BCAS3: variants seen among roughly 807,000 people sequenced by gnomAD.
BCAS3 encodes the protein BCAS3 microtubule associated cell migration factor, also known as BCAS4/BCAS3 fusion.
A neutral mutation model predicts 116.1 loss-of-function variants in BCAS3; 53 were observed. The observed-to-expected ratio is 0.46, with a 90% CI of 0.37 to 0.57. The LOEUF (loss-of-function observed/expected upper bound fraction) is 0.57, where lower values mean the gene tolerates loss of function less well. BCAS3 is among the 20% of genes least tolerant of loss of function. The pLI is 0.00. For synonymous variants in BCAS3, 391 were observed against 408.2 expected, an observed-to-expected ratio of 0.96 and a Z score of 0.51; for missense variants, 917 against 1,165.4, an observed-to-expected ratio of 0.79 and a Z score of 3.10.
intron 21 of BCAS3, among the ~76,000 whole-genome samples, chr17:61,078,770 T>C (rs2072267825): frequency 6.6e-6 from 1 of 152,242 alleles, no homozygotes; most frequent in South Asian, 2.1e-4. Flanking sequence ...TAATAGTCAC[T>C]GCACTTTTCA....
At chr17:61,070,390 T>TATATATATATATATATATATAC (rs2071279950) in intron 19 of BCAS3, 1 of 171,606 alleles carries the variant, frequency 5.8e-6, no homozygotes, top group Non-Finnish European at 1.1e-5. Flanking sequence ...TATATATATA[T>TATATATATATATATATATATAC]ATATATATAT....
chr17:60,730,095 C>A (rs1234084947), intron 5 of BCAS3, among the ~76,000 whole-genome samples: 1 of 152,138 alleles, frequency 6.6e-6, no homozygotes, highest in African/African-American at 2.4e-5. Context: ...GAAGTAATGG[C>A]TAGAGTTTTG....
rs2063675893 is a variant in BCAS3, at chr17:60,993,787, A to G, written c.1486+3552A>G. On this transcript the variant is annotated intron_variant, in intron 15 of 23. Coordinates refer to ENST00000407086, the MANE Select transcript of BCAS3 (RefSeq NM_017679.5). The surrounding 1 kb of genome is among the most constrained non-coding windows in gnomAD (Gnocchi z 4.2). ...GTCTGTGCTCTTTTTAGCCAAGTAA[A>G]GGAAACTGTTAAATAACAGTTGATA... 6.6e-6 allele frequency among the ~76,000 whole-genome samples: 1 copy of G among 152,224 alleles called. No individual in the cohort carries two copies. Among genetic ancestry groups the G allele is most frequent in the African/African-American group, 2.4e-5 (1 of 41,466 alleles).
chr17:60,904,854 A>G (rs113957460), intron 11 of BCAS3, among the ~76,000 whole-genome samples: 16 of 152,318 alleles, frequency 1.1e-4, no homozygotes, highest in African/African-American at 3.8e-4. Flanking sequence ...AAAACTCACA[A>G]AGATGTCTCC....
chr17:61,382,744 G>A (rs2143631058), intron 23 of BCAS3: 1 of 152,256 alleles, frequency 6.6e-6, no homozygotes, highest in South Asian at 2.1e-4. Context: ...AGGGGAAGGT[G>A]AATGGAACCA....
At chr17:60,724,614 A>G (rs971729675) in intron 5 of BCAS3, among the ~76,000 whole-genome samples, 1 of 151,142 alleles carries the variant, frequency 6.6e-6, no homozygotes, top group African/African-American at 2.4e-5. Flanking sequence ...AAGCCCAGCT[A>G]CTTGGGAGGC....
intron 12 of BCAS3, among the ~76,000 whole-genome samples, chr17:60,920,878 ACAACAAC>A (rs1226561119): frequency 1.7e-5 from 1 of 60,128 alleles, no homozygotes; most frequent in Admixed American, 1.3e-4. Context: ...GCAAACAACA[ACAACAAC>A]AACAACAACA....
At position 61,348,905 on chromosome 17, in the gene BCAS3, G is replaced by T. The variant is rs577161355; in HGVS notation, c.2426-19422G>T. On this transcript the variant is annotated intron_variant, in intron 22 of 23. Coordinates refer to ENST00000407086, the MANE Select transcript of BCAS3 (RefSeq NM_017679.5). This position sits in a 1 kb window ranked among gnomAD's most constrained non-coding sequence, Gnocchi z 4.5. ...GTAGCTGGGACTACAGGCGCCCACC[G>T]CCACACACGGCTAACTTTTTGTATT... Among the ~76,000 whole-genome samples the T allele has an allele frequency of 4.6e-5, 7 of 151,752 alleles. No individual in the cohort carries two copies. Among genetic ancestry groups the T allele is most frequent in the African/African-American group, 1.7e-4 (7 of 41,286 alleles).
At chr17:60,729,888 C>G (rs939877216) in intron 5 of BCAS3, among the ~76,000 whole-genome samples, 2 of 152,326 alleles carry the variant, frequency 1.3e-5, no homozygotes, top group Non-Finnish European at 2.9e-5. Context: ...GGCCGACACT[C>G]TCTATAATGG....
chr17:60,850,254 C>T (rs949443937), intron 7 of BCAS3, among the ~76,000 whole-genome samples: 1 of 149,952 alleles, frequency 6.7e-6, no homozygotes, highest in African/African-American at 2.5e-5. Context: ...CCCACTATTA[C>T]AGTATCATAA....
chr17:61,013,440 C>G lies in BCAS3; in HGVS notation c.1487-2311C>G, dbSNP rs2065237691. Among the ~76,000 whole-genome samples, 1 of 152,068 alleles carries G rather than the reference C, an allele frequency of 6.6e-6. No homozygotes were observed. The highest frequency in any genetic ancestry group is 2.1e-4 in the South Asian group (1 of 4,830). On this transcript the variant is annotated intron_variant, in intron 15 of 23. Coordinates refer to ENST00000407086, the MANE Select transcript of BCAS3 (RefSeq NM_017679.5). The surrounding 1 kb of genome is among the most constrained non-coding windows in gnomAD (Gnocchi z 4.4). ...ATAGCGATTTTATAATTATTTACAT[C>G]TATATTGGCCTTGAGAGTGTGATAA...
At chr17:60,829,466 C>T (rs959286174) in intron 7 of BCAS3, among the ~76,000 whole-genome samples, 2 of 147,152 alleles carry the variant, frequency 1.4e-5, no homozygotes, top group African/African-American at 2.6e-5. Flanking sequence ...TGCACTCCAG[C>T]GTGGACAATA....
chr17:61,171,781 C>T lies in BCAS3; in HGVS notation c.2425+87217C>T, dbSNP rs2078854226. On this transcript the variant is annotated intron_variant, in intron 22 of 23. Coordinates refer to ENST00000407086, the MANE Select transcript of BCAS3 (RefSeq NM_017679.5). The surrounding 1 kb of genome is among the most constrained non-coding windows in gnomAD (Gnocchi z 4.1). ...GATTTCAGGCATGTGCCACCATGCCCTGCTAATTAAAAAAAAATTTTTTTT... is the reference window on the plus strand; with the variant it reads ...GATTTCAGGCATGTGCCACCATGCCTTGCTAATTAAAAAAAAATTTTTTTT... Among the ~76,000 whole-genome samples the T allele has an allele frequency of 1.3e-5, 2 of 151,788 alleles. No individual in the cohort carries two copies. The highest frequency in any genetic ancestry group is 4.8e-5 in the African/African-American group (2 of 41,238).
chr17:61,071,283 A>T (rs1166662954), intron 19 of BCAS3, among the ~76,000 whole-genome samples: 1 of 152,240 alleles, frequency 6.6e-6, no homozygotes, highest in East Asian at 1.9e-4. Flanking sequence ...TAGAAATGGC[A>T]ATAAGTAACT....
intron 16 of BCAS3, among the ~76,000 whole-genome samples, chr17:61,022,632 A>C (rs1463244163): frequency 6.6e-6 from 1 of 152,118 alleles, no homozygotes; most frequent in Non-Finnish European, 1.5e-5. Flanking sequence ...TTTGCCACAT[A>C]TAACAGAATT....
chr17:61,328,095 T>C (rs1336881236), intron 22 of BCAS3, among the ~76,000 whole-genome samples: 2 of 152,134 alleles, frequency 1.3e-5, no homozygotes, highest in East Asian at 1.9e-4. Flanking sequence ...AATTTAATTA[T>C]TGGTCTGCAG....
Position 60,784,233 on chromosome 17 carries a change from G to GA in BCAS3, c.404-23761dup, listed in dbSNP as rs72157059. On this transcript the variant is annotated intron_variant, in intron 6 of 23. Coordinates refer to ENST00000407086, the MANE Select transcript of BCAS3 (RefSeq NM_017679.5). ...GGTCTATATGTAAAATTACCAAATT[G>GA]AAAAAAAAAAGGTGAAAATACTTAG... Among the ~76,000 whole-genome samples the GA allele has an allele frequency of 4.3e-4, 60 of 138,796 alleles. 1 individual carries two copies. Among genetic ancestry groups the GA allele is most frequent in the Non-Finnish European group, 5.8e-4 (37 of 63,484 alleles). 91.1% of individuals were successfully genotyped at this position (138,796 alleles called of 152,430 possible).
intron 7 of BCAS3, among the ~76,000 whole-genome samples, chr17:60,861,446 T>A (rs2054149363): frequency 2.0e-5 from 3 of 152,220 alleles, no homozygotes; most frequent in Admixed American, 2.0e-4. Context: ...CTAGAGATAG[T>A]GTAACTTCCT....
intron 19 of BCAS3, among the ~76,000 whole-genome samples, chr17:61,059,727 T>C (rs1307207536): frequency 6.6e-6 from 1 of 152,126 alleles, no homozygotes; most frequent in African/African-American, 2.4e-5. Flanking sequence ...TTCAAAGCTA[T>C]AGAAAGAAAT....
Sources: gnomAD v4.1 joint callset for allele counts (sites outside exome capture counted in the v4.1 genomes callset) on GRCh38, gnomAD v4.1.1 for gene constraint, Gnocchi (gnomAD v3.1) non-coding constraint, MANE v1.5 for transcripts, NCBI Gene and HGNC (gene_info 2026-07-23, HGNC 2026-07-21) for gene names.